The following BTAF1 variants were observed in gnomAD, a reference collection of about 807,000 sequenced individuals.
BTAF1 encodes the protein TATA-binding protein-associated factor 172.
BTAF1 carries 38 observed loss-of-function variants against 227.1 expected under a neutral mutation model. That is an observed-to-expected ratio of 0.17 (90% CI 0.13 to 0.22). BTAF1 has a LOEUF of 0.22. Ranked by LOEUF, BTAF1 falls within the 10% of genes least tolerant of loss-of-function variation. BTAF1 has a pLI of 1.00. For synonymous variants in BTAF1, 742 were observed against 751.9 expected (o/e 0.99, Z 0.21); for missense variants, 1,598 against 2,204.0 (o/e 0.73, Z 5.51).
At chr10:92,023,227 CG>C (rs1851263301) in intron 34 of BTAF1, among the ~76,000 whole-genome samples, 1 of 152,184 alleles carries the variant, frequency 6.6e-6, no homozygotes, top group Non-Finnish European at 1.5e-5. Flanking sequence ...TTCAACCTTA[CG>C]AAGAGGACTT....
intron 6 of BTAF1, among the ~76,000 whole-genome samples, chr10:91,955,953 C>G (rs1016361626): frequency 6.6e-6 from 1 of 152,122 alleles, no homozygotes; most frequent in Non-Finnish European, 1.5e-5. Context: ...TTTTTCTTTT[C>G]TAAATGCTGA....
chr10:91,941,493 G>T (rs1193919670), intron 3 of BTAF1, among the ~76,000 whole-genome samples: 1 of 152,120 alleles, frequency 6.6e-6, no homozygotes, highest in Non-Finnish European at 1.5e-5. Context: ...TTTGAGGAAG[G>T]AATACAGAAC....
intron 4 of BTAF1, 142 bp downstream of exon 4, chr10:91,942,710 C>A: frequency 2.2e-6 from 2 of 917,892 alleles, no homozygotes; most frequent in Non-Finnish European, 3.2e-6. Flanking sequence ...GCGGGGGATG[C>A]TATGAATGGG....
intron 2 of BTAF1, 132 bp downstream of exon 2, chr10:91,935,912 C>G (rs1352616447): frequency 1.1e-6 from 1 of 875,474 alleles, no homozygotes; most frequent in Non-Finnish European, 1.6e-6. Flanking sequence ...TTTCTGGTCA[C>G]AAGACTTAAA....
chr10:91,987,748 GCT>G (rs1491456350), intron 19 of BTAF1, among the ~76,000 whole-genome samples: 1 of 151,676 alleles, frequency 6.6e-6, no homozygotes, highest in African/African-American at 2.4e-5. Context: ...TCTTCTAAAT[GCT>G]CTATCTCTTA....
rs140717137 is a variant in BTAF1 at position 92,013,939 on chromosome 10, G to A, written c.4494G>A (p.Pro1498=). ...ATGCGCTGCACCGCCAAGTACTACC[G>A]TTTCTTTTGAGAAGAATGAAAGAAG... ...AMDALHRQVL[P]FLLRRMKEDV... The change falls in exon 32 of 38, where the codon CCG becomes CCA. Residue 1498 remains proline (P), a synonymous_variant. Coordinates refer to ENST00000265990, the MANE Select transcript of BTAF1 (RefSeq NM_003972.3). The A allele has an allele frequency of 2.3e-5, 37 of 1,613,736 alleles. No homozygotes were observed. The highest frequency in any genetic ancestry group is 1.3e-4 in the East Asian group (6 of 44,882).
intron 24 of BTAF1, among the ~76,000 whole-genome samples, 165 bp downstream of exon 24, chr10:91,996,735 A>G (rs1849168467): frequency 6.6e-6 from 1 of 152,220 alleles, no homozygotes; most frequent in African/African-American, 2.4e-5. Flanking sequence ...GTATTTTATT[A>G]CAAATGTGTT....
chr10:91,927,319 G>A (rs1843924072), intron 1 of BTAF1, among the ~76,000 whole-genome samples: 1 of 152,080 alleles, frequency 6.6e-6, no homozygotes, highest in East Asian at 1.9e-4. Flanking sequence ...TGTATTTTTA[G>A]TAGAGATGGG....
chr10:91,991,279 T>TAA (rs1554860278), intron 20 of BTAF1, among the ~76,000 whole-genome samples: 1 of 98,426 alleles, frequency 1.0e-5, no homozygotes, highest in Admixed American at 1.2e-4. Context: ...TAAATATATA[T>TAA]ATATATATAT....
intron 1 of BTAF1, among the ~76,000 whole-genome samples, chr10:91,929,356 G>T (rs1844110442): frequency 6.6e-6 from 1 of 152,180 alleles, no homozygotes; most frequent in South Asian, 2.1e-4. Context: ...TGTCTAGACA[G>T]TACTTATAAT....
chr10:91,959,736 GTGTGTATATATATATA>G (rs1564674349), intron 9 of BTAF1, 33 bp from the exon 10 acceptor site: 4 of 426,972 alleles, frequency 9.4e-6, no homozygotes, highest in East Asian at 6.3e-5. Flanking sequence ...GTGTGTGTGT[GTGTGTATATATATATA>G]TATATATATA....
In BTAF1 at chr10:91,956,652, G is replaced by A. The variant is rs1347605151; in HGVS notation, c.826G>A (p.Glu276Lys). Residue 276 changes from glutamate to lysine, a missense_variant, in exon 7 of 38, where the codon GAA (glutamate) becomes AAA (lysine). By Grantham distance (56) the Glu-to-Lys change is moderately conservative. Transcript: ENST00000265990. ...TATTCCAGACAGCTCTTCCTTAATT[G>A]AAGAGGTACTCTTGAAAGACTCTAA... The part of the protein sequence containing the change: ...DNIPDSSSLI[E>K]ETNEWPLESF... The A allele has an allele frequency of 1.2e-6, 2 of 1,609,746 alleles. No homozygotes were observed. Among genetic ancestry groups the A allele is most frequent in the Non-Finnish European group, 8.5e-7 (1 of 1,179,008 alleles).
At chr10:92,013,832 C>A (rs764576727) in intron 31 of BTAF1, 24 bp downstream of exon 31, 15 of 1,613,628 alleles carry the variant, frequency 9.3e-6, no homozygotes, top group Admixed American at 1.7e-5. Flanking sequence ...ATAATTATAA[C>A]CCTGTGTAAG....
rs1480811924 is a variant in BTAF1, at chr10:91,923,774, G to C, written c.-303G>C. 7 of 386,438 alleles carry C rather than the reference G, an allele frequency of 1.8e-5. No homozygotes were observed. The highest frequency in any genetic ancestry group is 3.2e-5 in the Non-Finnish European group (7 of 216,464). 23.9% of individuals were successfully genotyped at this position (386,438 alleles called of 1,614,324 possible). On this transcript the variant is annotated 5_prime_UTR_variant, in exon 1 of 38. Transcript: ENST00000265990. ...ACTTCCGGCGCGCTGACGCTCAGTT[G>C]TGCGTGCCGACGCCCGCGTCAGCAA... is the stretch of plus-strand genomic sequence containing the variant.
chr10:91,954,995 T>C (rs889808151), intron 6 of BTAF1, among the ~76,000 whole-genome samples: 2 of 152,264 alleles, frequency 1.3e-5, no homozygotes, highest in East Asian at 1.9e-4. Context: ...CTTTTTGTTA[T>C]ATGTATTCAC....
Position 91,984,225 on chromosome 10 carries a change from G to A in BTAF1, c.2248G>A (p.Val750Met), listed in dbSNP as rs747470694. ...QKECKAVTLA[V>M]QPRLLDILSE... ...GGAGTGTAAAGCTGTTACCTTAGCT[G>A]TGCAGCCGCGTTTACTTGATATCCT... The change falls in exon 19 of 38, where the codon GTG becomes ATG. Residue 750 changes from valine to methionine, a missense_variant. By Grantham distance (21) the Val-to-Met change is conservative (BLOSUM62 1). This residue lies in a region of BTAF1 where 318 missense variants were observed against 435.0 expected (regional missense o/e 0.73). Transcript: ENST00000265990. 1 of 1,613,820 alleles carries A rather than the reference G, an allele frequency of 6.2e-7. No homozygotes were observed. The highest frequency in any genetic ancestry group is 1.1e-5 in the South Asian group (1 of 91,070).
At chr10:91,949,235 T>G (rs1364623288) in intron 4 of BTAF1, among the ~76,000 whole-genome samples, 1 of 151,958 alleles carries the variant, frequency 6.6e-6, no homozygotes, top group African/African-American at 2.4e-5. Context: ...ATTGCTTGAG[T>G]CTAGGTGGAC....
intron 14 of BTAF1, among the ~76,000 whole-genome samples, chr10:91,974,547 T>G (rs1372604849): frequency 6.6e-6 from 1 of 152,172 alleles, no homozygotes; most frequent in African/African-American, 2.4e-5. Flanking sequence ...GAGCATGAAG[T>G]AGGTACTCTT....
chr10:92,015,800 CA>C (rs1164434208), intron 32 of BTAF1, among the ~76,000 whole-genome samples: 1 of 152,058 alleles, frequency 6.6e-6, no homozygotes, highest in Non-Finnish European at 1.5e-5. Context: ...TCTTTTCTTT[CA>C]CATTATTTTA....
Sources: allele counts gnomAD v4.1 joint callset (sites outside exome capture counted in the v4.1 genomes callset), GRCh38; gene constraint gnomAD v4.1.1; regional missense constraint gnomAD v4.1.1; transcripts MANE v1.5; gene names NCBI Gene and HGNC (gene_info 2026-07-23, HGNC 2026-07-21).